PCDHA10: variants seen among roughly 807,000 people sequenced by gnomAD.
PCDHA10 encodes the protein protocadherin alpha 10, also known as protocadherin alpha-10.
In PCDHA10, 45 loss-of-function variants were observed where a neutral mutation model predicts 61.2. That is an observed-to-expected ratio of 0.74 (90% confidence interval 0.58 to 0.94). The LOEUF (loss-of-function observed/expected upper bound fraction) is 0.94. PCDHA10 is among the 40% of genes least tolerant of loss of function. The pLI is 0.00. For synonymous variants in PCDHA10, 602 were observed against 548.8 expected, an observed-to-expected ratio of 1.10 and a Z score of -1.35; for missense variants, 1,278 against 1,236.2, an observed-to-expected ratio of 1.03 and a Z score of -0.51.
chr5:140,934,346 G>T (rs941608404), intron 1 of PCDHA10, among the ~76,000 whole-genome samples: 1 of 152,130 alleles, frequency 6.6e-6, no homozygotes, highest in South Asian at 2.1e-4. Flanking sequence ...CACCAGTACA[G>T]TGTGGAGCCA....
chr5:140,928,379 G>C, intron 1 of PCDHA10: 1 of 1,614,172 alleles, frequency 6.2e-7, no homozygotes, highest in Non-Finnish European at 8.5e-7. Flanking sequence ...TCAGCCTCTA[G>C]CTTGCTGGCA....
At chr5:141,008,784 A>G (rs541946217) in intron 3 of PCDHA10, among the ~76,000 whole-genome samples, 2 of 152,320 alleles carry the variant, frequency 1.3e-5, no homozygotes, top group East Asian at 3.9e-4. Flanking sequence ...ATTGGCTCCC[A>G]GTGTTTTATC....
chr5:140,968,994 G>A lies in PCDHA10; in HGVS notation c.2389-9955G>A. 6.2e-7 allele frequency: 1 copy of A among 1,614,216 alleles called. No individual in the cohort carries two copies. The highest frequency in any genetic ancestry group is 8.5e-7 in the Non-Finnish European group (1 of 1,180,038). On this transcript the variant is annotated intron_variant, in intron 1 of 3. Transcript: ENST00000307360. ...ACTGCGTATGGCACTGCATGCTGTG[G>A]AGGCTTCTGTGGAGTAAGGGAAAGG...
At chr5:140,906,253 A>C (rs1049653184) in intron 1 of PCDHA10, among the ~76,000 whole-genome samples, 5 of 152,064 alleles carry the variant, frequency 3.3e-5, no homozygotes, top group South Asian at 2.1e-4. Flanking sequence ...ACCCATACAC[A>C]CCTCCTGAAA....
chr5:140,933,772 C>T, intron 1 of PCDHA10, among the ~76,000 whole-genome samples: 1 of 152,176 alleles, frequency 6.6e-6, no homozygotes, highest in African/African-American at 2.4e-5. Flanking sequence ...TCTGTACCTA[C>T]AGTTTTCTTT....
At chr5:140,928,676 G>A in intron 1 of PCDHA10, 2 of 1,614,166 alleles carry the variant, frequency 1.2e-6, no homozygotes, top group East Asian at 2.2e-5. Context: ...TCTAATGCCT[G>A]GCTTTCCTAC....
At chr5:140,929,721 ATTTAC>A in intron 1 of PCDHA10, 2 of 222,496 alleles carry the variant, frequency 9.0e-6, no homozygotes, top group Non-Finnish European at 9.4e-6. Context: ...AAGGTGAAAC[ATTTAC>A]TTAAACTATT....
At chr5:140,951,767 G>A (rs561938687) in intron 1 of PCDHA10, among the ~76,000 whole-genome samples, 2 of 152,160 alleles carry the variant, frequency 1.3e-5, no homozygotes, top group South Asian at 2.1e-4. Context: ...ATCTCATGAC[G>A]TTCTTACATT....
chr5:140,872,447 C>T (rs555580142), intron 1 of PCDHA10, among the ~76,000 whole-genome samples: 10 of 152,054 alleles, frequency 6.6e-5, no homozygotes, highest in African/African-American at 2.2e-4. Flanking sequence ...GACAACATAG[C>T]GAGATCCTGT....
chr5:141,005,797 A>G (rs1444669955), intron 3 of PCDHA10, among the ~76,000 whole-genome samples: 2 of 150,756 alleles, frequency 1.3e-5, no homozygotes, highest in East Asian at 1.9e-4. Context: ...GGCAAAAACA[A>G]CTCCAAGGAG....
chr5:140,990,136 A>C (rs996616541), intron 3 of PCDHA10, among the ~76,000 whole-genome samples: 1 of 152,198 alleles, frequency 6.6e-6, no homozygotes, highest in African/African-American at 2.4e-5. Context: ...GTCAGACTCA[A>C]GAGGCATAAT....
At chr5:140,913,447 CG>C (rs2076342854) in intron 1 of PCDHA10, among the ~76,000 whole-genome samples, 1 of 152,026 alleles carries the variant, frequency 6.6e-6, no homozygotes, top group Non-Finnish European at 1.5e-5. Context: ...TTTTCAGCTC[CG>C]ATTTTATTTA....
At chr5:140,938,133 A>G (rs2091933876) in intron 1 of PCDHA10, among the ~76,000 whole-genome samples, 1 of 152,268 alleles carries the variant, frequency 6.6e-6, no homozygotes, top group South Asian at 2.1e-4. Context: ...AAAAATAGAG[A>G]TAGAGTCTCA....
At chr5:140,946,679 CG>C (rs1355438071) in intron 1 of PCDHA10, among the ~76,000 whole-genome samples, 1 of 144,750 alleles carries the variant, frequency 6.9e-6, no homozygotes, top group Non-Finnish European at 1.5e-5. Flanking sequence ...TCCTGTCATT[CG>C]TGACAATATG....
At chr5:141,007,759 T>C (rs1392582275) in intron 3 of PCDHA10, among the ~76,000 whole-genome samples, 6 of 152,312 alleles carry the variant, frequency 3.9e-5, no homozygotes, top group Middle Eastern at 3.4e-3. Flanking sequence ...TGGACTCTTA[T>C]TGGCCTGGAA....
In PCDHA10 at chr5:141,010,015, C is replaced by G; in HGVS notation, c.*78C>G. On this transcript the variant is annotated 3_prime_UTR_variant, in exon 4 of 4. Transcript: ENST00000307360. ...CTCTCCCATGTAGCAATTCCCTGCT[C>G]CTTTTTCCTATCTACATGAGCCCTC... is the stretch of plus-strand genomic sequence containing the variant. 6.4e-7 allele frequency: 1 copy of G among 1,572,182 alleles called. No homozygotes were observed. Among genetic ancestry groups the G allele is most frequent in the Non-Finnish European group, 8.6e-7 (1 of 1,163,250 alleles).
intron 1 of PCDHA10, among the ~76,000 whole-genome samples, chr5:140,925,108 G>GGAAGGAAGGAA (rs1554202548): frequency 1.6e-5 from 2 of 124,702 alleles, no homozygotes; most frequent in African/African-American, 3.3e-5. Flanking sequence ...GAAGGAAGGA[G>GGAAGGAAGGAA]GGAAGGAAGG....
chr5:140,881,757 A>G (rs1238055344), intron 1 of PCDHA10, among the ~76,000 whole-genome samples: 1 of 152,166 alleles, frequency 6.6e-6, no homozygotes, highest in Non-Finnish European at 1.5e-5. Flanking sequence ...TACCACAAAA[A>G]CCTACATGAC....
At chr5:140,988,414 T>C (rs1554250128) in intron 3 of PCDHA10, among the ~76,000 whole-genome samples, 1 of 152,194 alleles carries the variant, frequency 6.6e-6, no homozygotes. Flanking sequence ...GCAGCTTATG[T>C]AAAGAATTTG....
Sources: gnomAD v4.1 joint callset for allele counts (sites outside exome capture counted in the v4.1 genomes callset) on GRCh38, gnomAD v4.1.1 for gene constraint, MANE v1.5 for transcripts, NCBI Gene and HGNC (gene_info 2026-07-23, HGNC 2026-07-21) for gene names.